ERBB4: variants seen among roughly 807,000 people sequenced by gnomAD.
ERBB4 encodes receptor tyrosine-protein kinase erbB-4.
In ERBB4, 42 loss-of-function variants were observed where a neutral mutation model predicts 158.0. That is an observed-to-expected ratio of 0.27 (90% CI 0.21 to 0.34). ERBB4 has a LOEUF of 0.34. ERBB4 is among the 10% of genes least tolerant of loss of function. ERBB4 has a pLI of 1.00. For missense variants in ERBB4, 1,333 were observed against 1,624.1 expected, an observed-to-expected ratio of 0.82 and a Z score of 3.08; for synonymous variants, 583 against 558.7, an observed-to-expected ratio of 1.04 and a Z score of -0.61.
intron 3 of ERBB4, among the ~76,000 whole-genome samples, chr2:211,818,097 C>T (rs1016494207): frequency 3.9e-5 from 6 of 152,108 alleles, no homozygotes; most frequent in African/African-American, 1.2e-4. Context: ...AATTGAAGAT[C>T]ACATTCCTCA....
intron 25 of ERBB4, among the ~76,000 whole-genome samples, chr2:211,394,145 G>C (rs548829858): frequency 4.6e-5 from 7 of 151,952 alleles, no homozygotes; most frequent in Non-Finnish European, 7.4e-5. Flanking sequence ...TCACTTTACA[G>C]GTTCCTGCTT....
intron 1 of ERBB4, among the ~76,000 whole-genome samples, chr2:212,488,913 G>A (rs1690121245): frequency 6.7e-6 from 1 of 149,352 alleles, no homozygotes; most frequent in Non-Finnish European, 1.5e-5. Flanking sequence ...GATCTAACTG[G>A]TCAGCAAGAG....
intron 3 of ERBB4, among the ~76,000 whole-genome samples, chr2:211,909,287 T>G (rs1429888477): frequency 6.6e-6 from 1 of 151,810 alleles, no homozygotes; most frequent in Non-Finnish European, 1.5e-5. Flanking sequence ...TTTAATATTT[T>G]TATTTTTCCA....
chr2:211,395,047 G>A (rs927516646), intron 25 of ERBB4, among the ~76,000 whole-genome samples: 11 of 152,138 alleles, frequency 7.2e-5, no homozygotes, highest in African/African-American at 2.4e-4. Context: ...TCTGCCTCAA[G>A]CCCACACGAT....
chr2:211,551,219 T>A (rs2067087105), intron 20 of ERBB4, among the ~76,000 whole-genome samples: 2 of 152,186 alleles, frequency 1.3e-5, no homozygotes, highest in Non-Finnish European at 2.9e-5. Flanking sequence ...AATCTTACCA[T>A]CAAATTAGAT....
intron 3 of ERBB4, among the ~76,000 whole-genome samples, chr2:211,876,941 T>C (rs1001012319): frequency 1.3e-5 from 2 of 152,190 alleles, no homozygotes; most frequent in South Asian, 2.1e-4. Context: ...TCTGGTTTCA[T>C]TGTTCCCGTT....
intron 2 of ERBB4, among the ~76,000 whole-genome samples, chr2:211,999,605 G>A (rs1156618730): frequency 6.6e-6 from 1 of 151,690 alleles, no homozygotes; most frequent in Non-Finnish European, 1.5e-5. Flanking sequence ...ATAAATTATT[G>A]TAAAATCGGC....
chr2:212,062,923 G>A (rs971117562), intron 2 of ERBB4, among the ~76,000 whole-genome samples: 1 of 152,124 alleles, frequency 6.6e-6, no homozygotes, highest in African/African-American at 2.4e-5. Flanking sequence ...GTGTCCTTAT[G>A]TGTTAAAAGA....
At position 212,430,984 on chromosome 2, in the gene ERBB4, C is replaced by T. The variant is rs76096859; in HGVS notation, c.82+107465G>A. ...CACATTGATGTAAATAATAAATACG[C>T]GGTTGCACTGCTTTTCCTTAGAAGG... is the stretch of plus-strand genomic sequence containing the variant. On this transcript the variant is annotated intron_variant, in intron 1 of 27. Coordinates refer to ENST00000342788, the MANE Select transcript of ERBB4 (RefSeq NM_005235.3). Among the ~76,000 whole-genome samples the T allele has an allele frequency of 2.7e-4, 41 of 152,150 alleles. No homozygotes were observed. In the East Asian group the frequency reaches 7.4e-3, roughly 27 times the overall value.
rs140434825 is a variant in ERBB4, at chr2:211,380,666, C to CT, written c.*2948_*2949insA. The CT allele has an allele frequency of 4.3e-6, 1 of 231,914 alleles. No homozygotes were observed. Among genetic ancestry groups the CT allele is most frequent in the East Asian group, 6.1e-5 (1 of 16,362 alleles). 14.4% of individuals were successfully genotyped at this position (231,914 alleles called of 1,614,324 possible). ...AAAAATAAAACAAAAAACACTCAAACAACTGAAGTCAATTATATACTACAG... is the reference window on the plus strand; with the variant it reads ...AAAAATAAAACAAAAAACACTCAAACTAACTGAAGTCAATTATATACTACAG... On this transcript the variant is annotated 3_prime_UTR_variant, in exon 28 of 28. Coordinates refer to ENST00000342788, the MANE Select transcript of ERBB4 (RefSeq NM_005235.3).
chr2:211,638,852 G>A (rs937104055), intron 16 of ERBB4, among the ~76,000 whole-genome samples: 1 of 152,002 alleles, frequency 6.6e-6, no homozygotes. Flanking sequence ...TCTCTTTACA[G>A]GCAACATTTA....
intron 3 of ERBB4, among the ~76,000 whole-genome samples, chr2:211,904,833 G>C (rs1190830418): frequency 1.3e-5 from 2 of 151,930 alleles, no homozygotes; most frequent in African/African-American, 2.4e-5. Flanking sequence ...TGGAAAGATG[G>C]GTACTATTTT....
chr2:212,418,295 C>A (rs2091706934), intron 1 of ERBB4, among the ~76,000 whole-genome samples: 1 of 151,608 alleles, frequency 6.6e-6, no homozygotes, highest in Non-Finnish European at 1.5e-5. Flanking sequence ...TTGTAAAATC[C>A]AGTTCTTGGT....
intron 2 of ERBB4, among the ~76,000 whole-genome samples, chr2:211,951,718 G>A (rs1175223624): frequency 6.6e-6 from 1 of 151,976 alleles, no homozygotes; most frequent in East Asian, 1.9e-4. Context: ...TTATAACTGA[G>A]GTTCTAGTGT....
intron 3 of ERBB4, among the ~76,000 whole-genome samples, chr2:211,942,614 T>C (rs1334100530): frequency 6.6e-6 from 1 of 152,112 alleles, no homozygotes; most frequent in Non-Finnish European, 1.5e-5. Flanking sequence ...ATTCTACTTT[T>C]TGTTTTAAAT....
At chr2:211,968,734 C>T (rs2081372556) in intron 2 of ERBB4, among the ~76,000 whole-genome samples, 1 of 151,954 alleles carries the variant, frequency 6.6e-6, no homozygotes, top group African/African-American at 2.4e-5. Context: ...TGAGTCACTT[C>T]TTACATTATG....
chr2:212,483,379 ACTT>A (rs1191460923), intron 1 of ERBB4, among the ~76,000 whole-genome samples: 17 of 152,198 alleles, frequency 1.1e-4, no homozygotes, highest in Non-Finnish European at 5.9e-5. Flanking sequence ...TTTTTACAAT[ACTT>A]CTTTTTATCT....
chr2:212,066,437 T>C (rs949077807), intron 2 of ERBB4, among the ~76,000 whole-genome samples: 2 of 152,026 alleles, frequency 1.3e-5, no homozygotes, highest in Admixed American at 1.3e-4. Context: ...AGAGAAATAT[T>C]GGGCTAATTA....
At position 211,531,511 on chromosome 2, in the gene ERBB4, C is replaced by G. The variant is rs112303625; in HGVS notation, c.2487+30392G>C. Among the ~76,000 whole-genome samples the G allele has an allele frequency of 8.2e-3, 1,255 of 152,208 alleles. 16 individuals are homozygous for G. The highest frequency in any genetic ancestry group is 0.029 in the African/African-American group (1,187 of 41,558). ...AAAATGGGCAATAGATCTGAACAGA[C>G]ATTTCTCAAAAGAAGACATGCAAAT... On this transcript the variant is annotated intron_variant, in intron 20 of 27. Transcript: ENST00000342788.
Sources: allele counts gnomAD v4.1 joint callset (sites outside exome capture counted in the v4.1 genomes callset), GRCh38; gene constraint gnomAD v4.1.1; transcripts MANE v1.5; gene names NCBI Gene and HGNC (gene_info 2026-07-23, HGNC 2026-07-21).